Variants in MTURN observed in about 807,000 individuals in gnomAD.
MTURN encodes the protein maturin.
A neutral mutation model predicts 14.9 loss-of-function variants in MTURN; 7 were observed. That is an observed-to-expected ratio of 0.47 (90% confidence interval 0.27 to 0.88). The LOEUF (loss-of-function observed/expected upper bound fraction) is 0.88. Among genes scored for constraint, MTURN ranks in the 40% least tolerant of loss-of-function variants. The pLI, the probability that MTURN is intolerant of heterozygous loss-of-function variation, is 0.14. For synonymous variants in MTURN, 69 were observed against 72.5 expected, an observed-to-expected ratio of 0.95 and a Z score of 0.25; for missense variants, 151 against 174.1, an observed-to-expected ratio of 0.87 and a Z score of 0.75.
At chr7:30,156,304 TA>T (rs142827079) in intron 2 of MTURN, among the ~76,000 whole-genome samples, 19,331 of 151,990 alleles carry the variant, frequency 0.13, 1,354 homozygotes, top group African/African-American at 0.17. Flanking sequence ...CTCACAATCT[TA>T]AAAAAAACCT....
chr7:30,157,647 A>G lies in MTURN; in HGVS notation c.*99A>G, dbSNP rs753620332. ...GCATTTTGCATTAGCACTTCGAAATAGGACATCTGGCTCCCAGCATCCAAA... is the reference window on the plus strand; with the variant it reads ...GCATTTTGCATTAGCACTTCGAAATGGGACATCTGGCTCCCAGCATCCAAA... On this transcript the variant is annotated 3_prime_UTR_variant, in exon 3 of 3. Transcript: ENST00000324453. The G allele has an allele frequency of 8.3e-6, 6 of 723,162 alleles. No individual in the cohort carries two copies. Among genetic ancestry groups the G allele is most frequent in the Non-Finnish European group, 1.3e-5 (6 of 458,396 alleles). The allele number at this position is 723,162 out of a possible 1,614,324, so 44.8% of individuals were successfully genotyped here.
chr7:30,157,358 G>A, intron 2 of MTURN, 80 bp from the exon 3 acceptor site: 1 of 1,218,292 alleles, frequency 8.2e-7, no homozygotes, highest in Non-Finnish European at 1.1e-6. Flanking sequence ...CTTTAATGTG[G>A]ATCCGATGCC....
intron 2 of MTURN, among the ~76,000 whole-genome samples, chr7:30,147,749 G>T (rs905695513): frequency 6.6e-6 from 1 of 152,190 alleles, no homozygotes; most frequent in African/African-American, 2.4e-5. Context: ...ACCATTGTAA[G>T]AAATGAGATT....
Position 30,136,469 on chromosome 7 carries a change from C to CTGG in MTURN, c.162+1174_162+1176dup, listed in dbSNP as rs1390416358. 8.5e-5 allele frequency among the ~76,000 whole-genome samples: 13 copies of CTGG among 152,314 alleles called. 2 individuals are homozygous for CTGG. The highest frequency in any genetic ancestry group is 3.1e-4 in the African/African-American group (13 of 41,560). ...GAGGTGGGGTGGTGCGGGGCGCGGCCTGGTGCACGCTCCTCAGGTGGGGGA... is the reference window on the plus strand; with the variant it reads ...GAGGTGGGGTGGTGCGGGGCGCGGCCTGGTGGTGCACGCTCCTCAGGTGGGGGA... On this transcript the variant is annotated intron_variant, in intron 1 of 2. Transcript: ENST00000324453.
rs1445162644 is a variant in MTURN, at chr7:30,135,417, C to T, written c.162+119C>T. 8 of 773,542 alleles carry T rather than the reference C, an allele frequency of 1.0e-5. No individual in the cohort carries two copies. The African/African-American group carries it at 1.5e-4, about 15-fold the overall frequency. The allele number at this position is 773,542 out of a possible 1,614,324, so 47.9% of individuals were successfully genotyped here. A position where few individuals can be genotyped will look rare whatever the true frequency, so the allele number is the denominator to read the frequency against. On this transcript the variant is annotated intron_variant, in intron 1 of 2. Transcript: ENST00000324453. ...GGGCGCAGAGTGGGGGGCCGTAACC[C>T]GCGCCCCGCGCCCCGCGTGCTCCGC...
At chr7:30,154,638 G>T (rs1298467723) in intron 2 of MTURN, among the ~76,000 whole-genome samples, 1 of 152,202 alleles carries the variant, frequency 6.6e-6, no homozygotes, top group Admixed American at 6.5e-5. Flanking sequence ...TGACTTGGCA[G>T]AGGTCTCCAG....
chr7:30,144,928 CTTTTTTTTT>C (rs11411711), intron 1 of MTURN, among the ~76,000 whole-genome samples: 2 of 73,976 alleles, frequency 2.7e-5, no homozygotes, highest in Non-Finnish European at 4.9e-5. Flanking sequence ...GACCTCAATA[CTTTTTTTTT>C]TTTTTTTTTT....
intron 1 of MTURN, 138 bp from the exon 2 acceptor site, chr7:30,146,039 G>T: frequency 6.3e-7 from 1 of 1,583,598 alleles, no homozygotes. Flanking sequence ...AAGAACGCAT[G>T]TATGAATTTT....
intron 1 of MTURN, chr7:30,141,451 G>A (rs1443088585): frequency 2.7e-5 from 4 of 150,868 alleles, no homozygotes; most frequent in Non-Finnish European, 4.4e-5. Context: ...AAAGAAATAT[G>A]TTGGGAGGCG....
chr7:30,162,571 G>T lies in MTURN; in HGVS notation c.*5023G>T, dbSNP rs955777765. On this transcript the variant is annotated 3_prime_UTR_variant, in exon 3 of 3. Coordinates refer to ENST00000324453, the MANE Select transcript of MTURN (RefSeq NM_152793.3). ...CTTTGCCTTCCTATTTCCTTTCAAAGAAATCTCTTGTAAATTACAAAACTG... is the reference window on the plus strand; with the variant it reads ...CTTTGCCTTCCTATTTCCTTTCAAATAAATCTCTTGTAAATTACAAAACTG... The T allele has an allele frequency of 4.0e-5, 6 of 150,674 alleles. No homozygotes were observed. The highest frequency in any genetic ancestry group is 5.9e-5 in the Non-Finnish European group (4 of 67,720). The allele number at this position is 150,674 out of a possible 1,614,324, so 9.3% of individuals were successfully genotyped here.
At chr7:30,152,025 G>A (rs1467542468) in intron 2 of MTURN, among the ~76,000 whole-genome samples, 1 of 152,240 alleles carries the variant, frequency 6.6e-6, no homozygotes, top group African/African-American at 2.4e-5. Flanking sequence ...GCCTGGAAAA[G>A]AGAAAGAATC....
At chr7:30,146,713 C>T (rs1583506697) in intron 2 of MTURN, among the ~76,000 whole-genome samples, 1 of 152,306 alleles carries the variant, frequency 6.6e-6, no homozygotes, top group East Asian at 1.9e-4. Context: ...ATATTAATAC[C>T]TCCACGTTTG....
In MTURN at chr7:30,157,518, C is replaced by G. The variant is rs201159287; in HGVS notation, c.366C>G (p.Asp122Glu). The G allele has an allele frequency of 1.2e-6, 2 of 1,604,146 alleles. No individual in the cohort carries two copies. The highest frequency in any genetic ancestry group is 3.4e-5 in the Admixed American group (2 of 58,364). ...TGGAAGAAGAGGAGCCAGAGGCGGA[C>G]CACCCCCAGATGGGGGTCAGCCAGC... is the stretch of plus-strand genomic sequence containing the variant. ...ADVEEEEPEADHPQMGVSQQ is the reference protein window; with the variant it reads ...ADVEEEEPEAEHPQMGVSQQ The change falls in exon 3 of 3, where the codon GAC (aspartate) becomes GAG (glutamate). Residue 122 changes from aspartate to glutamate, a missense_variant. Coordinates refer to ENST00000324453, the MANE Select transcript of MTURN (RefSeq NM_152793.3).
At chr7:30,140,096 G>A (rs1014962976) in intron 1 of MTURN, among the ~76,000 whole-genome samples, 4 of 152,292 alleles carry the variant, frequency 2.6e-5, no homozygotes, top group African/African-American at 9.6e-5. Flanking sequence ...TCCTAGGCAT[G>A]GAGCACCAGC....
intron 2 of MTURN, 51 bp from the exon 3 acceptor site, chr7:30,157,387 T>C: frequency 6.7e-7 from 1 of 1,486,464 alleles, no homozygotes; most frequent in Non-Finnish European, 9.0e-7. Flanking sequence ...TCTTCCTGCC[T>C]GTGGGCCATT....
chr7:30,135,399 G>C, intron 1 of MTURN, 101 bp downstream of exon 1: 3 of 1,150,342 alleles, frequency 2.6e-6, no homozygotes, highest in Non-Finnish European at 2.3e-6. Context: ...GGTGGGCGCA[G>C]AGTGGGGGGC....
Position 30,159,409 on chromosome 7 carries a change from G to A in MTURN, c.*1861G>A, listed in dbSNP as rs898017754. 4 of 152,122 alleles carry A rather than the reference G, an allele frequency of 2.6e-5. No individual in the cohort carries two copies. The highest frequency in any genetic ancestry group is 5.9e-5 in the Non-Finnish European group (4 of 68,000). 9.4% of individuals were successfully genotyped at this position (152,122 alleles called of 1,614,324 possible). A position where few individuals can be genotyped will look rare whatever the true frequency, so the allele number is the denominator to read the frequency against. On this transcript the variant is annotated 3_prime_UTR_variant, in exon 3 of 3. Coordinates refer to ENST00000324453, the MANE Select transcript of MTURN (RefSeq NM_152793.3). The stretch of plus-strand genomic sequence containing the variant: ...AGAATGACTTCTGCAAGTGAAATGA[G>A]GAAGCTTCACTAGCTTGCTCCATTG...
intron 2 of MTURN, among the ~76,000 whole-genome samples, chr7:30,155,842 TC>T (rs1369341523): frequency 1.3e-5 from 2 of 152,112 alleles, no homozygotes; most frequent in Non-Finnish European, 2.9e-5. Context: ...GCTTTCTCTT[TC>T]CCCATTTCAG....
chr7:30,161,030 G>C lies in MTURN; in HGVS notation c.*3482G>C, dbSNP rs116569399. On this transcript the variant is annotated 3_prime_UTR_variant, in exon 3 of 3. Coordinates refer to ENST00000324453, the MANE Select transcript of MTURN (RefSeq NM_152793.3). ...CATCTTTCATGTATAAACAGAAACC[G>C]TCTCTAGCACAATATATTTCTGAAT... 6.6e-6 allele frequency: 1 copy of C among 152,586 alleles called. No individual in the cohort carries two copies. The highest frequency in any genetic ancestry group is 1.5e-5 in the Non-Finnish European group (1 of 68,034). The allele number at this position is 152,586 out of a possible 1,614,324, so 9.5% of individuals were successfully genotyped here.
Sources: gnomAD v4.1 joint callset for allele counts (sites outside exome capture counted in the v4.1 genomes callset) on GRCh38, gnomAD v4.1.1 for gene constraint, MANE v1.5 for transcripts, NCBI Gene and HGNC (gene_info 2026-07-23, HGNC 2026-07-21) for gene names.